DGKH: variants seen among roughly 807,000 people sequenced by gnomAD.
The protein encoded by DGKH is DAG kinase eta.
A neutral mutation model predicts 159.3 loss-of-function variants in DGKH; 90 were observed. The observed-to-expected ratio is 0.57, with a 90% CI of 0.48 to 0.67. The LOEUF is 0.67. Ranked by LOEUF, DGKH falls within the 30% of genes least tolerant of loss-of-function variation. The probability of loss-of-function intolerance (pLI) is 0.00; values close to 1 mark genes in which losing one functional copy is unlikely to be tolerated. For missense variants in DGKH, 1,181 were observed against 1,506.1 expected, an observed-to-expected ratio of 0.78 and a Z score of 3.57; for synonymous variants, 536 against 553.8, an observed-to-expected ratio of 0.97 and a Z score of 0.45.
chr13:42,126,629 A>C (rs656072), intron 1 of DGKH, among the ~76,000 whole-genome samples: 56,620 of 152,042 alleles, frequency 0.37, 10,978 homozygotes, highest in African/African-American at 0.45. Flanking sequence ...TTACAGCTGC[A>C]TCTCCCTCTG....
chr13:42,042,269 C>T (rs548235825), intron 1 of DGKH, among the ~76,000 whole-genome samples: 6 of 152,354 alleles, frequency 3.9e-5, no homozygotes, highest in African/African-American at 7.2e-5. Context: ...TTAAACTTTC[C>T]TGTAGGAACC....
In DGKH at chr13:42,224,620, C is replaced by T. The variant is rs185784104; in HGVS notation, c.3573+3226C>T. Among the ~76,000 whole-genome samples the T allele has an allele frequency of 5.3e-5, 8 of 152,322 alleles. No homozygotes were observed. The East Asian group carries it at 1.5e-3, about 29-fold the overall frequency. ...CCCATTTCTAGGGAATAAAAACTCA[C>T]ATCTTTATGCAGGCCTACAAGGTTC... On this transcript the variant is annotated intron_variant, in intron 29 of 29. Transcript: ENST00000337343.
intron 11 of DGKH, among the ~76,000 whole-genome samples, chr13:42,172,821 C>T (rs1214718014): frequency 6.7e-6 from 1 of 149,254 alleles, no homozygotes; most frequent in African/African-American, 2.5e-5. Flanking sequence ...TTACAGGTGC[C>T]CGCCACCACA....
chr13:42,126,268 G>T (rs528046506), intron 1 of DGKH, among the ~76,000 whole-genome samples: 15 of 152,298 alleles, frequency 9.8e-5, no homozygotes, highest in Non-Finnish European at 1.9e-4. Context: ...TCGTGGGGTG[G>T]GTAATAAGAT....
rs1958489123 is a variant in DGKH, at chr13:42,240,131, A to G, written c.*10943A>G. On this transcript the variant is annotated 3_prime_UTR_variant, in exon 30 of 30. Coordinates refer to ENST00000337343, the MANE Select transcript of DGKH (RefSeq NM_178009.5). ...TTGTATTCTCAGTGTCTAGCTACACATAATAGGACTTTGATAAATATTTTT... is the reference window on the plus strand; with the variant it reads ...TTGTATTCTCAGTGTCTAGCTACACGTAATAGGACTTTGATAAATATTTTT... 1 of 152,212 alleles carries G rather than the reference A, an allele frequency of 6.6e-6. No individual in the cohort carries two copies. Among genetic ancestry groups the G allele is most frequent in the South Asian group, 2.1e-4 (1 of 4,832 alleles). 9.4% of individuals were successfully genotyped at this position (152,212 alleles called of 1,614,324 possible). A position where few individuals can be genotyped will look rare whatever the true frequency, so the allele number is the denominator to read the frequency against.
intron 1 of DGKH, among the ~76,000 whole-genome samples, chr13:42,097,992 C>T (rs1010062374): frequency 6.6e-6 from 1 of 152,174 alleles, no homozygotes; most frequent in Admixed American, 6.5e-5. Context: ...TCTCAGCCAT[C>T]CATCTGCTTT....
chr13:42,256,209 T>C (rs1958656272), intron 30 of DGKH: 2 of 1,368,514 alleles, frequency 1.5e-6, no homozygotes, highest in Non-Finnish European at 2.1e-6. Context: ...AGTGGACATT[T>C]TGAGTTGAAT....
At chr13:42,157,182 T>C (rs535841409) in intron 5 of DGKH, among the ~76,000 whole-genome samples, 16 of 152,264 alleles carry the variant, frequency 1.1e-4, no homozygotes, top group African/African-American at 3.6e-4. Flanking sequence ...GCAAAAGAGA[T>C]CTGATTGGCC....
At chr13:42,086,242 A>G (rs547879936) in intron 1 of DGKH, among the ~76,000 whole-genome samples, 1 of 152,280 alleles carries the variant, frequency 6.6e-6, no homozygotes, top group African/African-American at 2.4e-5. Flanking sequence ...TATAAGAGCA[A>G]TAAAAACAGG....
intron 2 of DGKH, among the ~76,000 whole-genome samples, chr13:42,128,828 A>G (rs1005772026): frequency 6.6e-6 from 1 of 152,202 alleles, no homozygotes; most frequent in African/African-American, 2.4e-5. Context: ...GAATTGAAGT[A>G]GACTAGTTCT....
At chr13:42,224,178 G>A (rs952723895) in intron 29 of DGKH, among the ~76,000 whole-genome samples, 4 of 152,146 alleles carry the variant, frequency 2.6e-5, no homozygotes, top group African/African-American at 9.7e-5. Flanking sequence ...CTAGGTTAGA[G>A]AATTTCAATC....
chr13:42,081,951 G>C (rs1954208957), intron 1 of DGKH, among the ~76,000 whole-genome samples: 2 of 152,116 alleles, frequency 1.3e-5, no homozygotes, highest in African/African-American at 2.4e-5. Context: ...AATTAATATT[G>C]AAAACAATGA....
At chr13:42,183,775 C>A (rs1956836280) in intron 13 of DGKH, among the ~76,000 whole-genome samples, 1 of 152,150 alleles carries the variant, frequency 6.6e-6, no homozygotes, top group East Asian at 1.9e-4. Flanking sequence ...ATCATAGATA[C>A]CATTTATTAG....
At chr13:42,121,066 T>TACACACACACACACACACACACACACAC (rs377628213) in intron 1 of DGKH, among the ~76,000 whole-genome samples, 2 of 144,734 alleles carry the variant, frequency 1.4e-5, no homozygotes, top group African/African-American at 5.0e-5. Flanking sequence ...ATATATATTA[T>TACACACACACACACACACACACACACAC]ACACACACAC....
At chr13:42,251,282 C>T (rs932617403) in intron 29 of DGKH, among the ~76,000 whole-genome samples, 3 of 151,988 alleles carry the variant, frequency 2.0e-5, no homozygotes, top group East Asian at 1.9e-4. Context: ...TCAAGACCAG[C>T]GTGGGCAACA....
intron 3 of DGKH, among the ~76,000 whole-genome samples, chr13:42,146,214 C>G (rs1324211584): frequency 1.5e-5 from 2 of 133,494 alleles, no homozygotes; most frequent in African/African-American, 5.5e-5. Flanking sequence ...TTGCATGGAC[C>G]TTTTTAGGAA....
chr13:42,175,015 G>A (rs1331040146), intron 12 of DGKH, among the ~76,000 whole-genome samples: 11 of 152,290 alleles, frequency 7.2e-5, no homozygotes, highest in African/African-American at 2.6e-4. Flanking sequence ...AAACCTCAAA[G>A]CGGTGTAGAT....
intron 1 of DGKH, among the ~76,000 whole-genome samples, chr13:42,109,921 T>G (rs1255449268): frequency 6.6e-6 from 1 of 152,186 alleles, no homozygotes; most frequent in East Asian, 1.9e-4. Flanking sequence ...GAGTGGAGTT[T>G]ATGATATTAA....
intron 1 of DGKH, among the ~76,000 whole-genome samples, chr13:42,067,416 G>T (rs1366355436): frequency 6.6e-6 from 1 of 152,016 alleles, no homozygotes; most frequent in African/African-American, 2.4e-5. Flanking sequence ...GCTTAAAAAA[G>T]AATTTGAAGA....
Sources: gnomAD v4.1 joint callset for allele counts (sites outside exome capture counted in the v4.1 genomes callset) on GRCh38, gnomAD v4.1.1 for gene constraint, MANE v1.5 for transcripts, NCBI Gene and HGNC (gene_info 2026-07-23, HGNC 2026-07-21) for gene names.